The following FEZ2 variants were observed in gnomAD, a reference collection of about 807,000 sequenced individuals.
The protein encoded by FEZ2 is fasciculation and elongation protein zeta 2.
FEZ2 carries 51 observed loss-of-function variants against 40.4 expected under a neutral mutation model. The observed-to-expected ratio is 1.26, with a 90% CI of 1.01 to 1.59. FEZ2 has a LOEUF of 1.59. Ranked by LOEUF, FEZ2 falls within the 40% of genes most tolerant of loss-of-function variation. The probability of loss-of-function intolerance (pLI) is 0.00; values close to 1 mark genes in which losing one functional copy is unlikely to be tolerated. For synonymous variants in FEZ2, 242 were observed against 172.0 expected, an observed-to-expected ratio of 1.41 and a Z score of -3.18; for missense variants, 640 against 438.3, an observed-to-expected ratio of 1.46 and a Z score of -4.11.
Position 36,583,341 on chromosome 2 carries a change from T to A in FEZ2, c.492+12A>T. The A allele has an allele frequency of 7.3e-7, 1 of 1,378,450 alleles. No homozygotes were observed. Among genetic ancestry groups the A allele is most frequent in the South Asian group, 1.2e-5 (1 of 85,942 alleles). The allele number at this position is 1,378,450 out of a possible 1,614,324, so 85.4% of individuals were successfully genotyped here. On this transcript the variant is annotated intron_variant, in intron 3 of 7. Transcript: ENST00000405912. ...TCTCCTTTCCTTGCGTTGCTGAGGA[T>A]CTCCTCTATACCTGGTCTGCCGTGA...
rs115785235 is a variant in FEZ2 at position 36,553,155 on chromosome 2, T to G, written c.*8A>C. The G allele has an allele frequency of 7.7e-6, 12 of 1,566,268 alleles. No homozygotes were observed. The highest frequency in any genetic ancestry group is 2.7e-5 in the African/African-American group (2 of 73,842). On this transcript the variant is annotated 3_prime_UTR_variant, in exon 8 of 8. Coordinates refer to ENST00000405912, the MANE Select transcript of FEZ2 (RefSeq NM_005102.3). ...AGCTTGGAGCCCACCGCAGATAAAG[T>G]TGCTGCTCTATGTAGGACACAGAAC...
At chr2:36,560,962 G>C (rs1011128741) in intron 5 of FEZ2, 5 of 640,796 alleles carry the variant, frequency 7.8e-6, no homozygotes, top group Non-Finnish European at 1.3e-5. Context: ...GTGCCCAAGA[G>C]GCAAGCAGTT....
At chr2:36,566,840 T>A (rs766595299) in intron 5 of FEZ2, among the ~76,000 whole-genome samples, 1 of 152,258 alleles carries the variant, frequency 6.6e-6, no homozygotes, top group Non-Finnish European at 1.5e-5. Flanking sequence ...GATTAAATCA[T>A]ATTAACTTTA....
Position 36,590,754 on chromosome 2 carries a change from C to A in FEZ2, c.375+149G>T. ...TGCCAGCAAGGTGATGGCCCTACAG[C>A]CAAGACATCAAGACAGAGCCACCCA... On this transcript the variant is annotated intron_variant, in intron 2 of 7. Transcript: ENST00000405912. The A allele has an allele frequency of 5.1e-6, 3 of 584,528 alleles. 1 individual carries two copies. In the South Asian group the frequency reaches 6.9e-5, roughly 14 times the overall value. The allele number at this position is 584,528 out of a possible 1,614,324, so 36.2% of individuals were successfully genotyped here.
In FEZ2 at chr2:36,578,881, A is replaced by C; in HGVS notation, c.635-16T>G. 6.3e-7 allele frequency: 1 copy of C among 1,594,690 alleles called. No individual in the cohort carries two copies. The highest frequency in any genetic ancestry group is 8.5e-7 in the Non-Finnish European group (1 of 1,171,926). On this transcript the variant is annotated splice_polypyrimidine_tract_variant and intron_variant, in intron 4 of 7. Transcript: ENST00000405912. ...CTTTTCACTCCTGTGACCAAAAGCA[A>C]AATACAGCAGATATTAAGACAAAAA...
rs201859002 is a variant in FEZ2 at position 36,560,756 on chromosome 2, G to C, written c.904-2243C>G. ...CTTACACAGAAAATGAAAAAGCAGA[G>C]AATGAGGAAAATAAGGATAACCGAG... On this transcript the variant is annotated intron_variant, in intron 5 of 7. Transcript: ENST00000405912. 5.6e-6 allele frequency: 8 copies of C among 1,432,192 alleles called. No individual in the cohort carries two copies. In the South Asian group the frequency reaches 9.5e-5, roughly 17 times the overall value. The allele number at this position is 1,432,192 out of a possible 1,614,324, so 88.7% of individuals were successfully genotyped here.
At chr2:36,560,597 T>A (rs1668068719) in intron 5 of FEZ2, among the ~76,000 whole-genome samples, 1 of 152,230 alleles carries the variant, frequency 6.6e-6, no homozygotes. Context: ...ATTTGAAAAA[T>A]GCTTTTTCCT....
At chr2:36,591,051 T>C in intron 1 of FEZ2, 40 bp from the exon 2 acceptor site, 1 of 1,205,708 alleles carries the variant, frequency 8.3e-7, no homozygotes, top group African/African-American at 1.5e-5. Flanking sequence ...AAATTAACAT[T>C]CTGTATGTCT....
intron 2 of FEZ2, among the ~76,000 whole-genome samples, chr2:36,588,156 G>A (rs1417052749): frequency 1.3e-5 from 2 of 152,042 alleles, no homozygotes; most frequent in South Asian, 2.1e-4. Flanking sequence ...AGCCTCCCAA[G>A]TATCTGGGAT....
chr2:36,588,200 G>A (rs906091400), intron 2 of FEZ2, among the ~76,000 whole-genome samples: 3 of 151,970 alleles, frequency 2.0e-5, no homozygotes, highest in Non-Finnish European at 4.4e-5. Context: ...GGCTAATTTT[G>A]TATTTTTAGT....
intron 2 of FEZ2, chr2:36,583,948 A>G (rs1644889231): frequency 1.3e-5 from 2 of 152,874 alleles, no homozygotes; most frequent in African/African-American, 4.8e-5. Flanking sequence ...TTCCAATTGC[A>G]CATTCCTTCT....
intron 5 of FEZ2, among the ~76,000 whole-genome samples, chr2:36,559,804 G>A (rs78266005): frequency 0.012 from 1,849 of 152,312 alleles, 51 homozygotes; most frequent in African/African-American, 0.043. Flanking sequence ...AAGATTCCTT[G>A]TCTTCTTTTG....
At chr2:36,579,086 T>G (rs557399046) in intron 4 of FEZ2, 2 of 466,420 alleles carry the variant, frequency 4.3e-6, no homozygotes, top group Middle Eastern at 5.4e-4. Context: ...GGTGAGTCAC[T>G]TCTCAGCTTG....
chr2:36,571,869 G>C (rs1457074225), intron 5 of FEZ2, among the ~76,000 whole-genome samples: 1 of 150,626 alleles, frequency 6.6e-6, no homozygotes, highest in Non-Finnish European at 1.5e-5. Flanking sequence ...ACAAAAGTTA[G>C]CCGGGCGGGG....
At chr2:36,580,218 T>C (rs1203598638) in intron 4 of FEZ2, among the ~76,000 whole-genome samples, 1 of 152,228 alleles carries the variant, frequency 6.6e-6, no homozygotes, top group African/African-American at 2.4e-5. Context: ...CAGGACTGTA[T>C]TTGGGAGTCA....
At chr2:36,576,113 AAT>A (rs1363266485) in intron 5 of FEZ2, among the ~76,000 whole-genome samples, 1 of 152,160 alleles carries the variant, frequency 6.6e-6, no homozygotes, top group Non-Finnish European at 1.5e-5. Context: ...TGTGATATAA[AAT>A]GCTTGGTAAA....
At chr2:36,577,899 T>A (rs1668622687) in intron 5 of FEZ2, among the ~76,000 whole-genome samples, 1 of 152,226 alleles carries the variant, frequency 6.6e-6, no homozygotes, top group South Asian at 2.1e-4. Flanking sequence ...GAGATCCCTT[T>A]ACCCAACCAT....
intron 7 of FEZ2, among the ~76,000 whole-genome samples, chr2:36,554,726 G>A (rs1667910298): frequency 1.3e-5 from 2 of 152,188 alleles, no homozygotes; most frequent in African/African-American, 4.8e-5. Context: ...TGAAATGTGT[G>A]ATTCACTTTG....
At chr2:36,580,518 T>G (rs1266012760) in intron 4 of FEZ2, among the ~76,000 whole-genome samples, 2 of 152,220 alleles carry the variant, frequency 1.3e-5, no homozygotes, top group Non-Finnish European at 1.5e-5. Context: ...TTATATTTAT[T>G]CAGACATTTT....
Sources: allele counts gnomAD v4.1 joint callset (sites outside exome capture counted in the v4.1 genomes callset), GRCh38; gene constraint gnomAD v4.1.1; transcripts MANE v1.5; gene names NCBI Gene and HGNC (gene_info 2026-07-23, HGNC 2026-07-21).